Variants in LRRC53 observed in about 807,000 individuals in gnomAD.
LRRC53 encodes leucine rich repeat containing 53, also known as leucine-rich repeat-containing protein 53.
Under a neutral mutation model 13.6 loss-of-function variants are expected in LRRC53, and 25 were observed. The observed-to-expected ratio is 1.83, with a 90% CI of 1.34 to 2.56. The LOEUF (loss-of-function observed/expected upper bound fraction) is 2.56, where lower values mean the gene tolerates loss of function less well. Among genes scored for constraint, LRRC53 ranks in the 30% most tolerant of loss-of-function variants. The pLI, the probability that LRRC53 is intolerant of heterozygous loss-of-function variation, is 0.00. For synonymous variants in LRRC53, 204 were observed against 109.8 expected (o/e 1.86, Z -5.37); for missense variants, 527 against 275.8 (o/e 1.91, Z -6.45).
At chr1:74,510,871 T>TTTTA (rs1360800621) in intron 1 of LRRC53, among the ~76,000 whole-genome samples, 1 of 152,158 alleles carries the variant, frequency 6.6e-6, no homozygotes, top group Non-Finnish European at 1.5e-5. Flanking sequence ...GTATAAAGAG[T>TTTTA]TTTAGCAAAC....
rs1345302252 is a variant in LRRC53 at position 74,469,658 on chromosome 1, C to G, written c.*220G>C. On this transcript the variant is annotated 3_prime_UTR_variant, in exon 5 of 5. Coordinates refer to ENST00000294635, the MANE Select transcript of LRRC53 (RefSeq NM_001382280.1). ...CTTGTTTTTTCATTCCTTAGAGAAG[C>G]ATACTCAGTTAATTGTGTCAGACGT... 2.7e-6 allele frequency: 1 copy of G among 366,462 alleles called. No homozygotes were observed. Among genetic ancestry groups the G allele is most frequent in the Non-Finnish European group, 4.8e-6 (1 of 206,412 alleles). The allele number at this position is 366,462 out of a possible 1,614,324, so 22.7% of individuals were successfully genotyped here. A position where few individuals can be genotyped will look rare whatever the true frequency, so the allele number is the denominator to read the frequency against.
Position 74,480,820 on chromosome 1 carries a change from C to T in LRRC53, c.237G>A (p.Gly79=), listed in dbSNP as rs17095415. The T allele has an allele frequency of 1.7e-4, 119 of 717,434 alleles. 1 individual carries two copies. The highest frequency in any genetic ancestry group is 2.6e-4 in the Non-Finnish European group (102 of 385,118). The allele number at this position is 717,434 out of a possible 1,614,324, so 44.4% of individuals were successfully genotyped here. A position where few individuals can be genotyped will look rare whatever the true frequency, so the allele number is the denominator to read the frequency against. The change falls in exon 3 of 5, where the codon GGG becomes GGA. Residue 79 remains glycine (G), a synonymous_variant. Coordinates refer to ENST00000294635, the MANE Select transcript of LRRC53 (RefSeq NM_001382280.1). The part of the protein sequence containing the change: ...IEDVQEDALH[G]LTMLRTLLLE... ...GCAACAAGGTCCGCAACATCGTAAG[C>T]CCATGCAGGGCATCTTCCTGAACAT...
At chr1:74,533,232 C>A in the LRRC53 span, among the ~76,000 whole-genome samples, 1 of 152,118 alleles carries the variant, frequency 6.6e-6, no homozygotes, top group Non-Finnish European at 1.5e-5. Context: ...ACAAACATCC[C>A]CATCAAAAAG....
intron 3 of LRRC53, among the ~76,000 whole-genome samples, chr1:74,476,661 G>GA (rs1263183480): frequency 6.6e-6 from 1 of 152,098 alleles, no homozygotes; most frequent in Non-Finnish European, 1.5e-5. Flanking sequence ...TTCTCAAGAT[G>GA]TGATTAGGAA....
At chr1:74,517,414 C>T (rs1646365059), upstream of LRRC53, among the ~76,000 whole-genome samples, 1 of 152,172 alleles carries the variant, frequency 6.6e-6, no homozygotes, top group African/African-American at 2.4e-5. Context: ...TATGTCAAAC[C>T]TTCAAACACT....
rs1667830297 is a variant in LRRC53, at chr1:74,469,679, G to C, written c.*199C>G. 2.6e-6 allele frequency: 1 copy of C among 380,174 alleles called. No individual in the cohort carries two copies. The highest frequency in any genetic ancestry group is 4.7e-6 in the Non-Finnish European group (1 of 214,612). 23.6% of individuals were successfully genotyped at this position (380,174 alleles called of 1,614,324 possible). ...GAAGCATACTCAGTTAATTGTGTCA[G>C]ACGTATCCTATGACTCCATCTTTGA... On this transcript the variant is annotated 3_prime_UTR_variant, in exon 5 of 5. Transcript: ENST00000294635.
rs757145907 is a variant in LRRC53, at chr1:74,470,739, A to G, written c.2883T>C (p.His961=). 1.0e-5 allele frequency: 4 copies of G among 400,488 alleles called. No individual in the cohort carries two copies. The highest frequency in any genetic ancestry group is 4.1e-5 in the African/African-American group (2 of 48,640). The allele number at this position is 400,488 out of a possible 1,614,324, so 24.8% of individuals were successfully genotyped here. The change falls in exon 5 of 5, where the codon CAT becomes CAC. Residue 961 remains histidine (H), a synonymous_variant. Coordinates refer to ENST00000294635, the MANE Select transcript of LRRC53 (RefSeq NM_001382280.1). ...TTTTTTCTTTATTTTCAAGCTGTGC[A>G]TGACTTGAATTTTGCTCTCTGTGTT... The part of the protein sequence containing the change: ...ALQHREQNSS[H]AQLENKEKTL...
chr1:74,475,344 A>C lies in LRRC53; in HGVS notation c.1371T>G (p.Pro457=), dbSNP rs1262814787. The part of the protein sequence containing the change: ...RKVQKLWNLE[P]GEVQPQTLQH... ...GCAGAGTTTGAGGCTGGACTTCTCCAGGCTCAAGATTCCATAGCTTTTGAA... is the reference window on the plus strand; with the variant it reads ...GCAGAGTTTGAGGCTGGACTTCTCCCGGCTCAAGATTCCATAGCTTTTGAA... The change falls in exon 4 of 5, where the codon CCT becomes CCG. Residue 457 remains proline, a synonymous_variant. Transcript: ENST00000294635. 1 of 711,784 alleles carries C rather than the reference A, an allele frequency of 1.4e-6. No homozygotes were observed. Among genetic ancestry groups the C allele is most frequent in the Admixed American group, 2.1e-5 (1 of 48,694 alleles). 44.1% of individuals were successfully genotyped at this position (711,784 alleles called of 1,614,324 possible).
At chr1:74,479,268 C>T (rs888961603) in intron 3 of LRRC53, among the ~76,000 whole-genome samples, 9 of 152,156 alleles carry the variant, frequency 5.9e-5, no homozygotes, top group African/African-American at 2.2e-4. Flanking sequence ...TAAGAAATCT[C>T]ATGCATCTTT....
At chr1:74,488,475 G>A (rs1004870636) in intron 1 of LRRC53, among the ~76,000 whole-genome samples, 10 of 152,174 alleles carry the variant, frequency 6.6e-5, no homozygotes, top group Non-Finnish European at 1.0e-4. Flanking sequence ...AAATGATAGG[G>A]TGTATAGTTT....
intron 2 of LRRC53, among the ~76,000 whole-genome samples, chr1:74,482,246 C>A (rs148184713): frequency 6.6e-6 from 1 of 152,230 alleles, no homozygotes; most frequent in East Asian, 1.9e-4. Context: ...GACAGAAACC[C>A]CACTCACAAT....
At chr1:74,476,732 G>A (rs1419301206) in intron 3 of LRRC53, among the ~76,000 whole-genome samples, 1 of 152,096 alleles carries the variant, frequency 6.6e-6, no homozygotes, top group East Asian at 1.9e-4. Flanking sequence ...ATCTGCCTGA[G>A]GACAGTGCCC....
the LRRC53 span, among the ~76,000 whole-genome samples, chr1:74,521,474 C>T: frequency 8.8e-6 from 1 of 113,684 alleles, no homozygotes; most frequent in African/African-American, 3.0e-5. Context: ...TTATCTCTCT[C>T]ACACACACAC....
At chr1:74,489,709 G>A (rs534832107) in intron 1 of LRRC53, among the ~76,000 whole-genome samples, 52 of 152,218 alleles carry the variant, frequency 3.4e-4, no homozygotes, top group African/African-American at 1.2e-3. Context: ...GTTGCTTAAT[G>A]TGATATATGT....
chr1:74,488,664 T>TA (rs1327960312), intron 1 of LRRC53, among the ~76,000 whole-genome samples: 1 of 152,196 alleles, frequency 6.6e-6, no homozygotes, highest in Non-Finnish European at 1.5e-5. Flanking sequence ...ATGGGCAATA[T>TA]TTTTAATGGC....
At chr1:74,524,168 GAA>G in the LRRC53 span, among the ~76,000 whole-genome samples, 1 of 152,248 alleles carries the variant, frequency 6.6e-6, no homozygotes. Context: ...TCTTCTTTGT[GAA>G]AAGTCTTTAA....
At chr1:74,488,406 G>A (rs368210999) in intron 1 of LRRC53, among the ~76,000 whole-genome samples, 2 of 152,178 alleles carry the variant, frequency 1.3e-5, no homozygotes, top group East Asian at 3.9e-4. Flanking sequence ...TTTGGTTACT[G>A]AACCTGAATG....
chr1:74,485,499 T>C (rs1668711016), intron 1 of LRRC53, among the ~76,000 whole-genome samples: 1 of 152,144 alleles, frequency 6.6e-6, no homozygotes, highest in Non-Finnish European at 1.5e-5. Flanking sequence ...ATAAGCAGGA[T>C]TCTAACATGA....
At chr1:74,481,573 G>A (rs1223677385) in intron 2 of LRRC53, among the ~76,000 whole-genome samples, 1 of 152,134 alleles carries the variant, frequency 6.6e-6, no homozygotes, top group Admixed American at 6.6e-5. Context: ...CTGTCAGTGG[G>A]GTTCTCATTA....
Sources: gnomAD v4.1 joint callset for allele counts (sites outside exome capture counted in the v4.1 genomes callset) on GRCh38, gnomAD v4.1.1 for gene constraint, MANE v1.5 for transcripts, NCBI Gene and HGNC (gene_info 2026-07-23, HGNC 2026-07-21) for gene names.